Variants in ZNF630 observed in about 807,000 individuals in gnomAD.
The protein encoded by ZNF630 is zinc finger protein 630.
In ZNF630, 5 loss-of-function variants were observed where a neutral mutation model predicts 7.2. The ratio of observed to expected loss-of-function variants is 0.70; its 90% CI spans 0.36 to 1.46. The LOEUF is 1.46. Among genes scored for constraint, ZNF630 ranks in the 40% most tolerant of loss-of-function variants. The pLI is 0.03. For missense variants in ZNF630, 461 were observed against 477.0 expected (o/e 0.97, Z 0.31); for synonymous variants, 158 against 162.8 (o/e 0.97, Z 0.23).
chrX:48,059,561 C>A lies in ZNF630; in HGVS notation c.881G>T (p.Gly294Val). 1 of 1,207,681 alleles carries A rather than the reference C, an allele frequency of 8.3e-7. No homozygotes were observed. Among genetic ancestry groups the A allele is most frequent in the Non-Finnish European group, 1.1e-6 (1 of 892,999 alleles). ...IHTGEKPYVC[G>V]DCRKAFSEKS... ...CTCACTGAAGGCTTTCCTACAATCT[C>A]CACATACATATGGTTTCTCTCCAGT... The change falls in exon 5 of 5, where the codon GGA becomes GTA. Residue 294 changes from glycine to valine, a missense_variant. Physicochemically the swap from Gly to Val is moderately radical, Grantham distance 109. Transcript: ENST00000276054.
intron 1 of ZNF630, among the ~76,000 whole-genome samples, chrX:48,068,985 A>G (rs2059146655): frequency 9.0e-6 from 1 of 111,512 alleles, no homozygotes; most frequent in Admixed American, 9.5e-5. Context: ...CACACCTGTC[A>G]TCCCAGTACT....
intron 2 of ZNF630, chrX:48,061,815 T>C (rs2059106689): frequency 3.1e-6 from 1 of 319,509 alleles, no homozygotes. Context: ...TGATTGTAAG[T>C]TTCCTGAGGC....
Position 48,060,621 on chromosome X carries a change from C to T in ZNF630, c.143-76G>A, listed in dbSNP as rs781949992. 126 of 975,893 alleles carry T rather than the reference C, an allele frequency of 1.3e-4. No homozygotes were observed. The African/African-American group carries it at 2.3e-3, about 17-fold the overall frequency. 80.4% of individuals were successfully genotyped at this position (975,893 alleles called of 1,213,427 possible). On this transcript the variant is annotated intron_variant, in intron 3 of 4. Transcript: ENST00000276054. ...TGAAGAGAAGCACTTGCAGGGGCCT[C>T]CCAGCAAAGTTGGATCCTTAACTCA...
Position 48,060,883 on chromosome X carries a change from A to T in ZNF630, c.78T>A (p.Asn26Lys), listed in dbSNP as rs782379457. 6 of 1,204,099 alleles carry T rather than the reference A, an allele frequency of 5.0e-6. No homozygotes were observed. In the South Asian group the frequency reaches 1.1e-4, roughly 21 times the overall value. The change falls in exon 3 of 5, where the codon AAT becomes AAA. Residue 26 changes from asparagine to lysine, a missense_variant. By Grantham distance (94) the Asn-to-Lys change is moderately conservative (BLOSUM62 0). Transcript: ENST00000276054. ...DFTQEEWQQL[N>K]PAQKTLHRDV... ...CCCTATGCAGGGTCTTCTGAGCAGG[A>T]TTCAACTGCTGCCACTCTTCCTGCG...
chrX:48,061,873 T>G, intron 2 of ZNF630: 1 of 264,098 alleles, frequency 3.8e-6, no homozygotes, highest in Non-Finnish European at 7.2e-6. Flanking sequence ...CTCTCCTTTA[T>G]AAATTACCCA....
intron 3 of ZNF630, 132 bp downstream of exon 3, chrX:48,060,687 T>C (rs1556909042): frequency 1.1e-6 from 1 of 927,901 alleles, no homozygotes; most frequent in Non-Finnish European, 1.5e-6. Flanking sequence ...AACAAAAGTA[T>C]AAACATGAAA....
rs2059075951 is a variant in ZNF630 at position 48,057,573 on chromosome X, A to C, written c.*895T>G. 9.0e-6 allele frequency among the ~76,000 whole-genome samples: 1 copy of C among 111,351 alleles called. No homozygotes were observed. The highest frequency in any genetic ancestry group is 3.3e-5 in the African/African-American group (1 of 30,515). On this transcript the variant is annotated 3_prime_UTR_variant, in exon 5 of 5. Coordinates refer to ENST00000276054, the MANE Select transcript of ZNF630 (RefSeq NM_001282201.2). ...TTTATTTACCTAATTGAGGGAAAAAATCACAAATACACTCTATGAGAACTA... is the reference window on the plus strand; with the variant it reads ...TTTATTTACCTAATTGAGGGAAAAACTCACAAATACACTCTATGAGAACTA...
Position 48,058,142 on chromosome X carries a change from A to G in ZNF630, c.*326T>C. The G allele has an allele frequency of 5.1e-6, 1 of 197,692 alleles. No homozygotes were observed. The highest frequency in any genetic ancestry group is 9.6e-5 in the East Asian group (1 of 10,428). The allele number at this position is 197,692 out of a possible 1,213,427, so 16.3% of individuals were successfully genotyped here. ...AAAGATGACAAAGAGATACCCTTCA[A>G]ATAATGCACCATGCCCAAATAAATT... On this transcript the variant is annotated 3_prime_UTR_variant, in exon 5 of 5. Transcript: ENST00000276054.
chrX:48,067,463 A>G (rs2059135869), intron 1 of ZNF630, among the ~76,000 whole-genome samples: 1 of 111,993 alleles, frequency 8.9e-6, no homozygotes, highest in African/African-American at 3.3e-5. Context: ...TATGGATGAA[A>G]ATATGTGTCT....
intron 1 of ZNF630, among the ~76,000 whole-genome samples, chrX:48,068,189 AG>A (rs2059140779): frequency 1.1e-5 from 1 of 89,651 alleles, no homozygotes; most frequent in Non-Finnish European, 2.2e-5. Context: ...GAAGGAAGGA[AG>A]GAAGGAAGGA....
intron 1 of ZNF630, among the ~76,000 whole-genome samples, chrX:48,068,761 G>A (rs2059145695): frequency 9.0e-6 from 1 of 110,606 alleles, no homozygotes; most frequent in South Asian, 3.8e-4. Context: ...GGCATAATGG[G>A]GTTCCATTAT....
At chrX:48,069,679 T>C (rs782355128) in intron 1 of ZNF630, among the ~76,000 whole-genome samples, 1 of 110,597 alleles carries the variant, frequency 9.0e-6, no homozygotes, top group Non-Finnish European at 1.9e-5. Flanking sequence ...TCATGAGTTG[T>C]CTAAGATCAC....
rs782355370 is a variant in ZNF630, at chrX:48,059,727, G to A, written c.715C>T (p.Gln239Ter). The part of the protein sequence containing the change: ...HTGMEPYGDS[Q>*]CEKVLSHKQA... Reference sequence around the variant, plus strand: ...TTATGACTGAGAACTTTTTCACATTGACTATCTCCATAGGGCTCCATTCCA... The same window carrying A: ...TTATGACTGAGAACTTTTTCACATTAACTATCTCCATAGGGCTCCATTCCA... Residue 239 changes from glutamine to a stop codon, truncating the protein, a stop_gained, in exon 5 of 5, where the codon CAA (glutamine) becomes TAA (stop). Transcript: ENST00000276054. LOFTEE classifies it low-confidence loss of function (END_TRUNC). The A allele has an allele frequency of 1.3e-5, 16 of 1,206,152 alleles. No homozygotes were observed. The highest frequency in any genetic ancestry group is 5.9e-5 in the East Asian group (2 of 33,706).
intron 3 of ZNF630, 71 bp from the exon 4 acceptor site, chrX:48,060,616 G>GCTTT: frequency 2.0e-6 from 2 of 984,688 alleles, no homozygotes; most frequent in Non-Finnish European, 2.8e-6. Context: ...CACTTGCAGG[G>GCTTT]GCCTCCCAGC....
Position 48,060,906 on chromosome X carries a change from G to A in ZNF630, c.55C>T (p.Gln19Ter). The A allele has an allele frequency of 8.3e-7, 1 of 1,205,340 alleles. No individual in the cohort carries two copies. Among genetic ancestry groups the A allele is most frequent in the Non-Finnish European group, 1.1e-6 (1 of 891,281 alleles). The change falls in exon 3 of 5, where the codon CAG becomes TAG. Residue 19 changes from glutamine (Q) to a stop codon, truncating the protein, a stop_gained. Coordinates refer to ENST00000276054, the MANE Select transcript of ZNF630 (RefSeq NM_001282201.2). LOFTEE classifies it high-confidence loss of function. ...TFEDVAVDFT[Q>*]EEWQQLNPAQ... ...GGATTCAACTGCTGCCACTCTTCCT[G>A]CGTGAAGTCCACAGCCACATCCTCA...
intron 2 of ZNF630, 194 bp downstream of exon 2, chrX:48,066,678 C>A: frequency 2.3e-6 from 1 of 441,256 alleles, no homozygotes; most frequent in South Asian, 4.0e-5. Context: ...CTGAAGCTGC[C>A]AGTCAAAATG....
intron 1 of ZNF630, among the ~76,000 whole-genome samples, chrX:48,068,172 A>T (rs1279346310): frequency 2.3e-5 from 1 of 43,073 alleles, no homozygotes; most frequent in Admixed American, 2.5e-4. Context: ...AGGAAGAAGG[A>T]AGGAAGGAAG....
chrX:48,065,223 C>T (rs980919514), intron 2 of ZNF630, among the ~76,000 whole-genome samples: 7 of 110,871 alleles, frequency 6.3e-5, no homozygotes, highest in African/African-American at 2.0e-4. Context: ...GGAAATAGGC[C>T]GGGCGCAGTG....
chrX:48,063,383 G>A (rs1289752620), intron 2 of ZNF630, among the ~76,000 whole-genome samples: 2 of 110,724 alleles, frequency 1.8e-5, no homozygotes, highest in African/African-American at 6.6e-5. Context: ...ATACAATATG[G>A]AAAATAAATA....
Sources: gnomAD v4.1 joint callset for allele counts (sites outside exome capture counted in the v4.1 genomes callset) on GRCh38, gnomAD v4.1.1 for gene constraint, MANE v1.5 for transcripts, NCBI Gene and HGNC (gene_info 2026-07-23, HGNC 2026-07-21) for gene names.